Variants in PTPDC1 observed in about 807,000 individuals in gnomAD.
PTPDC1 encodes the protein protein tyrosine phosphatase domain-containing protein 1.
Under a neutral mutation model 75.3 loss-of-function variants are expected in PTPDC1, and 53 were observed. The observed-to-expected ratio is 0.70, with a 90% CI of 0.56 to 0.88. The LOEUF (loss-of-function observed/expected upper bound fraction) is 0.88, where lower values mean the gene tolerates loss of function less well. Among genes scored for constraint, PTPDC1 ranks in the 40% least tolerant of loss-of-function variants. PTPDC1 has a pLI of 0.00. For missense variants in PTPDC1, 925 were observed against 998.6 expected (o/e 0.93, Z 0.99); for synonymous variants, 349 against 366.2 (o/e 0.95, Z 0.54).
At chr9:94,066,346 G>A (rs540313102) in intron 2 of PTPDC1, among the ~76,000 whole-genome samples, 2 of 152,020 alleles carry the variant, frequency 1.3e-5, no homozygotes, top group African/African-American at 4.8e-5. Flanking sequence ...TTTTATTAAA[G>A]CATATCTCAT....
chr9:94,094,313 G>A (rs1273106750), intron 4 of PTPDC1, among the ~76,000 whole-genome samples: 3 of 150,420 alleles, frequency 2.0e-5, no homozygotes, highest in Non-Finnish European at 4.4e-5. Context: ...AGGACCCTCA[G>A]CTGCAGGTCT....
chr9:94,105,494 C>T (rs1827982078), intron 8 of PTPDC1, among the ~76,000 whole-genome samples: 1 of 151,862 alleles, frequency 6.6e-6, no homozygotes, highest in Non-Finnish European at 1.5e-5. Flanking sequence ...ATGGTGAAAC[C>T]CCATCTCTAC....
Position 94,098,504 on chromosome 9 carries a change from G to A in PTPDC1, c.1938G>A (p.Leu646=), listed in dbSNP as rs776848140. ...TGAGTGCTGAGGCAAGAAGAATACT[G>A]GCGGCCAAAGCCCTAGCAAATTTAA... ...SELSAEARRI[L]AAKALANLNE... is the part of the protein sequence containing the mutation. Residue 646 remains leucine, a synonymous_variant, in exon 6 of 9, where the codon CTG becomes CTA. Transcript: ENST00000620992. The A allele has an allele frequency of 6.2e-7, 1 of 1,614,144 alleles. No individual in the cohort carries two copies. Among genetic ancestry groups the A allele is most frequent in the Non-Finnish European group, 8.5e-7 (1 of 1,180,002 alleles).
chr9:94,079,323 C>G (rs997161383), intron 2 of PTPDC1, among the ~76,000 whole-genome samples: 1 of 152,210 alleles, frequency 6.6e-6, no homozygotes, highest in Non-Finnish European at 1.5e-5. Flanking sequence ...TTTCCCTCTT[C>G]CACGAATGTC....
intron 7 of PTPDC1, 26 bp downstream of exon 7, chr9:94,101,777 T>G (rs1439708252): frequency 7.1e-7 from 1 of 1,402,938 alleles, no homozygotes; most frequent in East Asian, 2.4e-5. Flanking sequence ...GACCAGTTAA[T>G]GACTGTAACT....
chr9:94,105,991 A>C (rs1383705609), intron 8 of PTPDC1, among the ~76,000 whole-genome samples: 3 of 152,030 alleles, frequency 2.0e-5, no homozygotes, highest in African/African-American at 7.2e-5. Flanking sequence ...AAAAGTAAAC[A>C]ATTCACACCA....
chr9:94,043,279 A>C (rs1246164452), intron 1 of PTPDC1, among the ~76,000 whole-genome samples: 2 of 152,160 alleles, frequency 1.3e-5, no homozygotes, highest in Non-Finnish European at 2.9e-5. Flanking sequence ...ATAGATGTGT[A>C]ATGGTACGTA....
chr9:94,058,906 A>G (rs1826040482), intron 1 of PTPDC1, among the ~76,000 whole-genome samples: 1 of 150,856 alleles, frequency 6.6e-6, no homozygotes, highest in Non-Finnish European at 1.5e-5. Context: ...TAGCAGAATC[A>G]CTTGAACCCA....
At chr9:94,092,504 G>C (rs1402495815) in intron 4 of PTPDC1, among the ~76,000 whole-genome samples, 19 of 147,864 alleles carry the variant, frequency 1.3e-4, no homozygotes, top group East Asian at 2.0e-4. Context: ...TTACTTCCCA[G>C]TATGTGGTCA....
chr9:94,050,554 G>C (rs1407195714), intron 1 of PTPDC1, among the ~76,000 whole-genome samples: 1 of 152,228 alleles, frequency 6.6e-6, no homozygotes, highest in Non-Finnish European at 1.5e-5. Flanking sequence ...AAATGTTGCT[G>C]CCTGATTGTT....
chr9:94,102,005 A>ATGTATGTATATT (rs1827859091), intron 7 of PTPDC1, among the ~76,000 whole-genome samples: 1 of 152,234 alleles, frequency 6.6e-6, no homozygotes, highest in African/African-American at 2.4e-5. Context: ...TAAACTTACC[A>ATGTATGTATATT]ATATGTATAT....
chr9:94,095,388 G>T lies in PTPDC1; in HGVS notation c.688G>T (p.Val230Leu). The T allele has an allele frequency of 6.2e-7, 1 of 1,613,342 alleles. No homozygotes were observed. The highest frequency in any genetic ancestry group is 8.5e-7 in the Non-Finnish European group (1 of 1,179,306). ...TACTACTATCCTAGATATGGTGAAG[G>T]TGATGACATTTGCCTTACAGGAAGG... ...SLTTILDMVKVMTFALQEGKV... is the reference protein window; with the variant it reads ...SLTTILDMVKLMTFALQEGKV... The change falls in exon 5 of 9, where the codon GTG becomes TTG. Residue 230 changes from valine (V) to leucine (L), a missense_variant. Coordinates refer to ENST00000620992, the MANE Select transcript of PTPDC1 (RefSeq NM_001253829.2).
At chr9:94,100,001 C>T (rs1564036806) in intron 6 of PTPDC1, 2 of 152,138 alleles carry the variant, frequency 1.3e-5, no homozygotes, top group Non-Finnish European at 2.9e-5. Context: ...ATAAAATGAA[C>T]ATTATTTGAA....
chr9:94,094,802 C>A (rs79982950), intron 4 of PTPDC1, among the ~76,000 whole-genome samples: 7 of 152,188 alleles, frequency 4.6e-5, no homozygotes, highest in Non-Finnish European at 8.8e-5. Context: ...TAAGCCCGTC[C>A]GAAAAGCGCA....
chr9:94,107,735 CTG>C, intron 8 of PTPDC1, 91 bp from the exon 9 acceptor site: 1 of 576,380 alleles, frequency 1.7e-6, no homozygotes, highest in South Asian at 3.3e-5. Flanking sequence ...GTTTGTAAGT[CTG>C]TTTTTTTTCT....
At chr9:94,071,339 C>T (rs1826505928) in intron 2 of PTPDC1, among the ~76,000 whole-genome samples, 1 of 151,710 alleles carries the variant, frequency 6.6e-6, no homozygotes, top group Non-Finnish European at 1.5e-5. Flanking sequence ...GTCTTTTATC[C>T]ACTATTTTTT....
chr9:94,083,256 C>T (rs1826947989), upstream of PTPDC1, among the ~76,000 whole-genome samples: 1 of 152,176 alleles, frequency 6.6e-6, no homozygotes, highest in Admixed American at 6.5e-5. Context: ...GAATAATCCT[C>T]ATATAATTCC....
At chr9:94,103,637 A>G (rs1827919969) in intron 7 of PTPDC1, among the ~76,000 whole-genome samples, 2 of 152,204 alleles carry the variant, frequency 1.3e-5, no homozygotes, top group South Asian at 4.1e-4. Context: ...GTTGAAATTT[A>G]TGGGTCCCTG....
rs942652158 is a variant in PTPDC1 at position 94,104,388 on chromosome 9, G to A, written c.2310+3G>A. 5 of 1,591,366 alleles carry A rather than the reference G, an allele frequency of 3.1e-6. No individual in the cohort carries two copies. The highest frequency in any genetic ancestry group is 4.3e-6 in the Non-Finnish European group (5 of 1,159,990). Reference sequence around the variant, plus strand: ...ATGCCATTAAGGCATTCACTAAGGTGGGTCATACTCTTCCTTTCCCCTCTC... The same window carrying A: ...ATGCCATTAAGGCATTCACTAAGGTAGGTCATACTCTTCCTTTCCCCTCTC... On this transcript the variant is annotated splice_donor_region_variant and intron_variant, in intron 8 of 8. Coordinates refer to ENST00000620992, the MANE Select transcript of PTPDC1 (RefSeq NM_001253829.2).
Sources: gnomAD v4.1 joint callset for allele counts (sites outside exome capture counted in the v4.1 genomes callset) on GRCh38, gnomAD v4.1.1 for gene constraint, MANE v1.5 for transcripts, NCBI Gene and HGNC (gene_info 2026-07-23, HGNC 2026-07-21) for gene names.